The following ARHGAP24 variants were observed in gnomAD, a reference collection of about 807,000 sequenced individuals.
The protein encoded by ARHGAP24 is rho GTPase-activating protein 24.
A neutral mutation model predicts 76.4 loss-of-function variants in ARHGAP24; 50 were observed. The ratio of observed to expected loss-of-function variants is 0.65; its 90% CI spans 0.52 to 0.83. ARHGAP24 has a LOEUF of 0.83. ARHGAP24 is among the 40% of genes least tolerant of loss of function. The pLI is 0.00. For synonymous variants in ARHGAP24, 345 were observed against 323.3 expected, an observed-to-expected ratio of 1.07 and a Z score of -0.72; for missense variants, 930 against 914.2, an observed-to-expected ratio of 1.02 and a Z score of -0.22.
rs190892246 is a variant in ARHGAP24 at position 85,503,864 on chromosome 4, A to T, written c.-21+28305A>T. On this transcript the variant is annotated intron_variant, in intron 1 of 9. Transcript: ENST00000395184. ...CTCTTGTGGGCATTTAGTGCTATAA[A>T]TTTCCCTGTACACACTGCTTTAAAT... Among the ~76,000 whole-genome samples the T allele has an allele frequency of 8.1e-4, 124 of 152,298 alleles. 3 individuals carry two copies. The East Asian group carries it at 0.02, about 24-fold the overall frequency.
intron 3 of ARHGAP24, among the ~76,000 whole-genome samples, chr4:85,847,972 G>A (rs1200918253): frequency 6.6e-6 from 1 of 152,018 alleles, no homozygotes; most frequent in African/African-American, 2.4e-5. Flanking sequence ...AGGAATCTAG[G>A]CATGTACTGT....
intron 3 of ARHGAP24, among the ~76,000 whole-genome samples, chr4:85,915,173 G>T (rs907000424): frequency 2.0e-5 from 3 of 152,206 alleles, no homozygotes; most frequent in East Asian, 3.9e-4. Flanking sequence ...AGTGTAATCT[G>T]GGAAACAAGT....
chr4:85,629,837 C>G (rs558562609), intron 2 of ARHGAP24, among the ~76,000 whole-genome samples: 1 of 151,618 alleles, frequency 6.6e-6, no homozygotes, highest in South Asian at 2.1e-4. Context: ...TATATTTAAT[C>G]TATTAGGTGT....
intron 2 of ARHGAP24, among the ~76,000 whole-genome samples, chr4:85,679,811 G>C (rs1388293473): frequency 6.6e-6 from 1 of 152,112 alleles, no homozygotes; most frequent in Non-Finnish European, 1.5e-5. Context: ...AGTCTCAATA[G>C]TGTCTGTCTC....
intron 3 of ARHGAP24, among the ~76,000 whole-genome samples, chr4:85,857,701 C>A (rs1311221878): frequency 6.6e-6 from 1 of 152,026 alleles, no homozygotes; most frequent in Non-Finnish European, 1.5e-5. Context: ...AGAAAATAGG[C>A]GAGTGAATTT....
chr4:85,695,587 A>G (rs1286010937), intron 2 of ARHGAP24, among the ~76,000 whole-genome samples: 1 of 152,174 alleles, frequency 6.6e-6, no homozygotes, highest in Non-Finnish European at 1.5e-5. Context: ...ATTTGTACTC[A>G]ATTTGATTGT....
intron 2 of ARHGAP24, among the ~76,000 whole-genome samples, chr4:85,576,795 C>T (rs966524556): frequency 6.6e-6 from 1 of 151,970 alleles, no homozygotes; most frequent in Non-Finnish European, 1.5e-5. Flanking sequence ...CTTTCCTCTA[C>T]ACAGCAATAT....
At chr4:85,552,476 T>C (rs1319294457) in intron 1 of ARHGAP24, among the ~76,000 whole-genome samples, 5 of 152,200 alleles carry the variant, frequency 3.3e-5, no homozygotes, top group African/African-American at 1.2e-4. Flanking sequence ...CATGTTGTGA[T>C]GAGAAGAATG....
At chr4:85,820,202 C>T (rs1450890337) in intron 3 of ARHGAP24, among the ~76,000 whole-genome samples, 1 of 152,138 alleles carries the variant, frequency 6.6e-6, no homozygotes, top group Non-Finnish European at 1.5e-5. Context: ...CATCACAGCA[C>T]CATTCACAAT....
intron 3 of ARHGAP24, among the ~76,000 whole-genome samples, chr4:85,884,910 C>A (rs1733474285): frequency 6.6e-6 from 1 of 152,052 alleles, no homozygotes; most frequent in African/African-American, 2.4e-5. Context: ...TAAACATAAT[C>A]TCTAAAATGT....
rs1722351232 is a variant in ARHGAP24 at position 85,660,794 on chromosome 4, C to CAAAAAAGAAAA, written c.181-61085_181-61084insGAAAAAAAAAA. ...CTGGTGACAGAGAGAGACTCCGTCT[C>CAAAAAAGAAAA]AAAAAAAAAAAAAAAAAAAAAAATC... On this transcript the variant is annotated intron_variant, in intron 2 of 9. Transcript: ENST00000395184. Among the ~76,000 whole-genome samples, 2 of 59,438 alleles carry CAAAAAAGAAAA rather than the reference C, an allele frequency of 3.4e-5. 1 individual carries two copies. The highest frequency in any genetic ancestry group is 6.2e-5 in the Non-Finnish European group (2 of 32,304). The allele number at this position is 59,438 out of a possible 152,430, so 39.0% of individuals were successfully genotyped here.
chr4:85,947,479 C>T (rs1173157665), intron 5 of ARHGAP24, among the ~76,000 whole-genome samples: 1 of 152,180 alleles, frequency 6.6e-6, no homozygotes, highest in Non-Finnish European at 1.5e-5. Flanking sequence ...CTCCCAAAGG[C>T]TTCACCTCCT....
Position 85,977,588 on chromosome 4 carries a change from G to T in ARHGAP24, c.825G>T (p.Gln275His). 1 of 1,613,744 alleles carries T rather than the reference G, an allele frequency of 6.2e-7. No individual in the cohort carries two copies. The highest frequency in any genetic ancestry group is 1.3e-5 in the African/African-American group (1 of 75,044). The change falls in exon 8 of 10, where the codon CAG (glutamine) becomes CAT (histidine). Residue 275 changes from glutamine to histidine, a missense_variant. By Grantham distance (24) the Gln-to-His change is conservative. Coordinates refer to ENST00000395184, the MANE Select transcript of ARHGAP24 (RefSeq NM_001025616.3). Reference sequence around the variant, plus strand: ...TCCATAGATTCTTGGATGAAGTACAGTCCTACTCGGGAGTTAACAAAATGA... The same window carrying T: ...TCCATAGATTCTTGGATGAAGTACATTCCTACTCGGGAGTTAACAAAATGA... ...KYICRFLDEV[Q>H]SYSGVNKMSV...
chr4:85,771,824 C>T lies in ARHGAP24; in HGVS notation c.268+49852C>T, dbSNP rs555793516. Among the ~76,000 whole-genome samples the T allele has an allele frequency of 1.4e-4, 22 of 152,268 alleles. No homozygotes were observed. The East Asian group carries it at 4.3e-3, about 29-fold the overall frequency. On this transcript the variant is annotated intron_variant, in intron 3 of 9. Coordinates refer to ENST00000395184, the MANE Select transcript of ARHGAP24 (RefSeq NM_001025616.3). ...TCCCGGGTTCAAGTGATTCTCCTGC[C>T]TCAGCCTCCCAAGTATGTGGGACTA...
At chr4:85,865,519 A>AT (rs1388375285) in intron 3 of ARHGAP24, among the ~76,000 whole-genome samples, 6 of 147,588 alleles carry the variant, frequency 4.1e-5, no homozygotes, top group Non-Finnish European at 7.5e-5. Flanking sequence ...ACAATAAATA[A>AT]TTTTATTATT....
At chr4:85,514,242 T>C (rs1724398499) in intron 1 of ARHGAP24, among the ~76,000 whole-genome samples, 1 of 152,152 alleles carries the variant, frequency 6.6e-6, no homozygotes, top group African/African-American at 2.4e-5. Context: ...AGCAGGATGG[T>C]GTCCCAGCTG....
intron 3 of ARHGAP24, among the ~76,000 whole-genome samples, chr4:85,761,825 T>A (rs1341996520): frequency 2.0e-5 from 3 of 152,202 alleles, no homozygotes; most frequent in Non-Finnish European, 4.4e-5. Context: ...CGCTTTAACC[T>A]TCTGGATGCT....
At chr4:85,508,299 TA>T (rs1465702606) in intron 1 of ARHGAP24, among the ~76,000 whole-genome samples, 1 of 152,184 alleles carries the variant, frequency 6.6e-6, no homozygotes, top group Non-Finnish European at 1.5e-5. Flanking sequence ...AGATTTTTAT[TA>T]GGGAAGATAC....
At chr4:85,974,266 A>G (rs1009438283) in intron 6 of ARHGAP24, among the ~76,000 whole-genome samples, 28 of 152,166 alleles carry the variant, frequency 1.8e-4, no homozygotes, top group African/African-American at 6.8e-4. Flanking sequence ...AGCAGAGACC[A>G]TTTGTCCCAT....
Sources: allele counts gnomAD v4.1 joint callset (sites outside exome capture counted in the v4.1 genomes callset), GRCh38; gene constraint gnomAD v4.1.1; transcripts MANE v1.5; gene names NCBI Gene and HGNC (gene_info 2026-07-23, HGNC 2026-07-21).